Variants in MAP3K20 observed in about 807,000 individuals in gnomAD.
MAP3K20 encodes HCCS-4.
MAP3K20 carries 40 observed loss-of-function variants against 85.7 expected under a neutral mutation model. That is an observed-to-expected ratio of 0.47 (90% CI 0.36 to 0.61). The LOEUF is 0.61. MAP3K20 is among the 20% of genes least tolerant of loss of function. The pLI, the probability that MAP3K20 is intolerant of heterozygous loss-of-function variation, is 0.00. For synonymous variants in MAP3K20, 325 were observed against 327.7 expected (o/e 0.99, Z 0.09); for missense variants, 817 against 961.7 (o/e 0.85, Z 1.99).
chr2:173,210,709 CT>C (rs1313242851), intron 10 of MAP3K20: 8 of 151,632 alleles, frequency 5.3e-5, no homozygotes, highest in African/African-American at 9.7e-5. Context: ...TATTCCCCCC[CT>C]GACTCAGCGG....
intron 2 of MAP3K20, among the ~76,000 whole-genome samples, chr2:173,094,408 A>G (rs181757408): frequency 5.2e-4 from 79 of 152,360 alleles, no homozygotes; most frequent in Non-Finnish European, 8.8e-5. Context: ...CAAAAAATGT[A>G]ACAATGATAA....
intron 11 of MAP3K20, among the ~76,000 whole-genome samples, chr2:173,218,939 T>A (rs79338045): frequency 4.6e-5 from 7 of 152,192 alleles, no homozygotes; most frequent in Admixed American, 4.6e-4. Context: ...AAGGAACTGC[T>A]CTGAGGGCTA....
Position 173,238,396 on chromosome 2 carries a change from T to C in MAP3K20, c.1227T>C (p.His409=). ...AGTCAGCCATTGAGAAATTAACCCA[T>C]GATTACATAAATTTGTTTCACTTCC... ...HFKSAIEKLT[H]DYINLFHFPP... Residue 409 remains histidine (H), a synonymous_variant, in exon 15 of 20, where the codon CAT becomes CAC. Coordinates refer to ENST00000375213, the MANE Select transcript of MAP3K20 (RefSeq NM_016653.3). The C allele has an allele frequency of 4.3e-6, 7 of 1,613,136 alleles. No homozygotes were observed. The highest frequency in any genetic ancestry group is 5.9e-6 in the Non-Finnish European group (7 of 1,179,608).
At chr2:173,226,762 A>T in intron 11 of MAP3K20, 2 of 985,748 alleles carry the variant, frequency 2.0e-6, no homozygotes, top group Non-Finnish European at 2.4e-6. Flanking sequence ...TACACTGCAC[A>T]TATTGCTTTT....
chr2:173,226,803 G>A (rs1383951695), intron 11 of MAP3K20: 1 of 982,956 alleles, frequency 1.0e-6, no homozygotes, highest in African/African-American at 1.7e-5. Flanking sequence ...CTAAATAATA[G>A]AAAATATTTA....
At chr2:173,169,134 C>G (rs1400479340) in intron 2 of MAP3K20, among the ~76,000 whole-genome samples, 1 of 152,094 alleles carries the variant, frequency 6.6e-6, no homozygotes, top group Non-Finnish European at 1.5e-5. Context: ...ATCTAACCAA[C>G]AGAAGTTCAG....
chr2:173,141,896 C>T (rs981559979), intron 2 of MAP3K20, among the ~76,000 whole-genome samples: 16 of 151,956 alleles, frequency 1.1e-4, no homozygotes, highest in African/African-American at 2.7e-4. Flanking sequence ...ACAATGGAGG[C>T]CAAATGACAG....
intron 14 of MAP3K20, 69 bp downstream of exon 14, chr2:173,232,528 G>A: frequency 3.2e-6 from 5 of 1,585,588 alleles, no homozygotes; most frequent in Non-Finnish European, 4.3e-6. Flanking sequence ...TTTTGAGGCA[G>A]AGTCTTGCTC....
chr2:173,257,799 G>A (rs1189070134), intron 16 of MAP3K20, among the ~76,000 whole-genome samples: 2 of 152,146 alleles, frequency 1.3e-5, no homozygotes, highest in Admixed American at 1.3e-4. Context: ...GAGAGTTCCA[G>A]TAACTCTAAA....
intron 11 of MAP3K20, among the ~76,000 whole-genome samples, chr2:173,220,376 AAAG>A (rs1480820294): frequency 6.6e-6 from 1 of 152,232 alleles, no homozygotes; most frequent in Admixed American, 6.5e-5. Flanking sequence ...AGTTCGGTTG[AAAG>A]AAGAAAACTT....
intron 4 of MAP3K20, among the ~76,000 whole-genome samples, chr2:173,187,164 C>T (rs1318768918): frequency 6.6e-6 from 1 of 152,180 alleles, no homozygotes; most frequent in African/African-American, 2.4e-5. Context: ...TACCTGCAGA[C>T]AACCAGATGA....
intron 1 of MAP3K20, among the ~76,000 whole-genome samples, chr2:173,081,353 T>C (rs552080927): frequency 2.6e-5 from 4 of 152,220 alleles, no homozygotes; most frequent in African/African-American, 9.6e-5. Flanking sequence ...AAAGTGAAAT[T>C]GATGCTGTAG....
chr2:173,232,179 C>T lies in MAP3K20; in HGVS notation c.1033-13C>T. On this transcript the variant is annotated splice_polypyrimidine_tract_variant and intron_variant, in intron 12 of 19. Transcript: ENST00000375213. The stretch of plus-strand genomic sequence containing the variant: ...GTGAATCTTCAAAACCGTATGTGTC[C>T]TCTCTTTCACAGTATTGTTGGGTTC... The T allele has an allele frequency of 6.2e-7, 1 of 1,614,194 alleles. No homozygotes were observed. The highest frequency in any genetic ancestry group is 1.1e-5 in the South Asian group (1 of 91,074).
intron 11 of MAP3K20, chr2:173,224,922 AATT>A: frequency 1.0e-6 from 1 of 985,306 alleles, no homozygotes; most frequent in Non-Finnish European, 1.2e-6. Context: ...TTGAAATGGC[AATT>A]ATCAGTGTTG....
intron 2 of MAP3K20, among the ~76,000 whole-genome samples, chr2:173,142,908 TC>T (rs377192528): frequency 2.6e-5 from 4 of 152,138 alleles, no homozygotes; most frequent in African/African-American, 9.7e-5. Flanking sequence ...ACACCTCTAA[TC>T]CCAGCAATTT....
intron 12 of MAP3K20, 76 bp downstream of exon 12, chr2:173,229,809 G>C (rs1684480450): frequency 1.3e-6 from 2 of 1,503,240 alleles, no homozygotes; most frequent in East Asian, 2.3e-5. Context: ...TTTAGGGGAA[G>C]AGATTGGGCC....
chr2:173,151,591 G>A (rs1232411313), intron 2 of MAP3K20, among the ~76,000 whole-genome samples: 2 of 152,152 alleles, frequency 1.3e-5, no homozygotes, highest in Non-Finnish European at 2.9e-5. Flanking sequence ...TCTAGTAATA[G>A]GTGTTTATTT....
At chr2:173,209,380 T>C (rs1412137516) in intron 9 of MAP3K20, among the ~76,000 whole-genome samples, 9 of 152,226 alleles carry the variant, frequency 5.9e-5, no homozygotes, top group Non-Finnish European at 1.3e-4. Flanking sequence ...ACTGGCTTTA[T>C]CACGGAGATT....
At chr2:173,124,746 G>C (rs1162367470) in intron 2 of MAP3K20, among the ~76,000 whole-genome samples, 1 of 152,192 alleles carries the variant, frequency 6.6e-6, no homozygotes, top group Non-Finnish European at 1.5e-5. Context: ...AGACTGTCAA[G>C]AGGAAGAAAA....
Sources: allele counts gnomAD v4.1 joint callset (sites outside exome capture counted in the v4.1 genomes callset), GRCh38; gene constraint gnomAD v4.1.1; transcripts MANE v1.5; gene names NCBI Gene and HGNC (gene_info 2026-07-23, HGNC 2026-07-21).